Variants in RIMS1 observed in about 807,000 individuals in gnomAD.
RIMS1 encodes regulating synaptic membrane exocytosis 1.
A neutral mutation model predicts 214.1 loss-of-function variants in RIMS1; 83 were observed. That is an observed-to-expected ratio of 0.39 (90% confidence interval 0.32 to 0.47). RIMS1 has a LOEUF of 0.47. Among genes scored for constraint, RIMS1 ranks in the 20% least tolerant of loss-of-function variants. The probability of loss-of-function intolerance (pLI) is 0.99; values close to 1 mark genes in which losing one functional copy is unlikely to be tolerated. For missense variants in RIMS1, 2,050 were observed against 2,161.8 expected, an observed-to-expected ratio of 0.95 and a Z score of 1.03; for synonymous variants, 793 against 786.8, an observed-to-expected ratio of 1.01 and a Z score of -0.13.
At chr6:72,111,716 T>C (rs2036126185) in intron 4 of RIMS1, among the ~76,000 whole-genome samples, 1 of 152,096 alleles carries the variant, frequency 6.6e-6, no homozygotes, top group South Asian at 2.1e-4. Flanking sequence ...ATGCAACGAG[T>C]AGGATGCCAG....
intron 1 of RIMS1, among the ~76,000 whole-genome samples, chr6:71,926,912 A>G (rs1406793753): frequency 6.6e-6 from 1 of 152,122 alleles, no homozygotes; most frequent in Non-Finnish European, 1.5e-5. Flanking sequence ...GGTGTTATTA[A>G]ATTCCTTTCA....
At chr6:72,209,927 G>A (rs1589154365) in intron 6 of RIMS1, among the ~76,000 whole-genome samples, 2 of 148,694 alleles carry the variant, frequency 1.3e-5, no homozygotes, top group Admixed American at 6.7e-5. Context: ...AAAAAAAAGG[G>A]AAAGAAACAT....
intron 2 of RIMS1, among the ~76,000 whole-genome samples, chr6:72,090,389 C>A (rs1187701056): frequency 6.6e-6 from 1 of 152,098 alleles, no homozygotes; most frequent in Non-Finnish European, 1.5e-5. Flanking sequence ...CCACAACCAT[C>A]CCTCTTCCAA....
intron 4 of RIMS1, among the ~76,000 whole-genome samples, chr6:72,114,222 G>C (rs1475617684): frequency 2.0e-5 from 3 of 151,920 alleles, no homozygotes; most frequent in Non-Finnish European, 4.4e-5. Context: ...TTTATAATTT[G>C]TTTTTAAATT....
intron 4 of RIMS1, among the ~76,000 whole-genome samples, chr6:72,129,698 T>C (rs1488124498): frequency 6.6e-6 from 1 of 152,064 alleles, no homozygotes; most frequent in Non-Finnish European, 1.5e-5. Flanking sequence ...GTGATTTACT[T>C]CTCTTAAAAT....
At chr6:72,130,285 C>T (rs2040240280) in intron 4 of RIMS1, among the ~76,000 whole-genome samples, 1 of 152,018 alleles carries the variant, frequency 6.6e-6, no homozygotes, top group Non-Finnish European at 1.5e-5. Flanking sequence ...TTCCCAGCTA[C>T]TTTTTTTCTG....
At position 71,950,229 on chromosome 6, in the gene RIMS1, C is replaced by T. The variant is rs191052461; in HGVS notation, c.165-18754C>T. Among the ~76,000 whole-genome samples, 284 of 152,194 alleles carry T rather than the reference C, an allele frequency of 1.9e-3. 6 individuals carry two copies. The highest frequency in any genetic ancestry group is 0.017 in the Admixed American group (253 of 15,286). ...GAGGAAAGGGGAAGGAGGTTGACTA[C>T]AAGAGATAGTAGAGAAGTCTTTTGG... On this transcript the variant is annotated intron_variant, in intron 1 of 33. Transcript: ENST00000521978.
At chr6:71,949,088 T>C (rs988610687) in intron 1 of RIMS1, among the ~76,000 whole-genome samples, 2 of 152,190 alleles carry the variant, frequency 1.3e-5, no homozygotes, top group Non-Finnish European at 2.9e-5. Context: ...GAATACCTTT[T>C]TGTAGTATGA....
chr6:72,195,978 C>G (rs1267708363), intron 6 of RIMS1, among the ~76,000 whole-genome samples: 3 of 152,022 alleles, frequency 2.0e-5, no homozygotes, highest in Non-Finnish European at 4.4e-5. Flanking sequence ...AACTCACTAT[C>G]ATGAGAACAG....
chr6:72,028,856 C>A (rs1190335213), intron 2 of RIMS1, among the ~76,000 whole-genome samples: 1 of 152,096 alleles, frequency 6.6e-6, no homozygotes, highest in African/African-American at 2.4e-5. Flanking sequence ...GTATTGCGCA[C>A]CTTCTGTGTG....
At chr6:72,318,716 G>GT (rs913023387) in intron 28 of RIMS1, among the ~76,000 whole-genome samples, 1 of 152,064 alleles carries the variant, frequency 6.6e-6, no homozygotes, top group African/African-American at 2.4e-5. Flanking sequence ...TGAGACACAC[G>GT]TTTTTCCTTG....
intron 4 of RIMS1, among the ~76,000 whole-genome samples, chr6:72,176,733 A>AC (rs2153963966): frequency 1.3e-5 from 1 of 75,908 alleles, no homozygotes; most frequent in South Asian, 4.3e-4. Flanking sequence ...AAATGTTAAA[A>AC]ACAAAAAAAT....
intron 23 of RIMS1, among the ~76,000 whole-genome samples, chr6:72,274,758 C>A (rs755126937): frequency 1.3e-5 from 2 of 151,910 alleles, no homozygotes; most frequent in Non-Finnish European, 2.9e-5. Flanking sequence ...TTCTCAGGTG[C>A]TTTAGAGTAT....
intron 7 of RIMS1, 103 bp downstream of exon 7, chr6:72,233,943 G>A: frequency 1.4e-6 from 1 of 711,352 alleles, no homozygotes; most frequent in Non-Finnish European, 2.4e-6. Flanking sequence ...ATTTGGTAAG[G>A]GCAAATATTG....
chr6:72,367,496 G>C (rs981319056), intron 29 of RIMS1, among the ~76,000 whole-genome samples: 4 of 152,160 alleles, frequency 2.6e-5, no homozygotes, highest in Admixed American at 1.3e-4. Context: ...AAACATATGT[G>C]TTAATAATTT....
At chr6:72,281,961 G>GT (rs1267405720) in intron 23 of RIMS1, among the ~76,000 whole-genome samples, 21 of 150,742 alleles carry the variant, frequency 1.4e-4, no homozygotes, top group East Asian at 3.9e-4. Flanking sequence ...AGAGAATTGT[G>GT]TTTTTTTTTC....
chr6:71,932,449 G>A lies in RIMS1; in HGVS notation c.165-36534G>A, dbSNP rs138698560. Among the ~76,000 whole-genome samples, 404 of 152,118 alleles carry A rather than the reference G, an allele frequency of 2.7e-3. 2 individuals carry two copies. Among genetic ancestry groups the A allele is most frequent in the African/African-American group, 9.0e-3 (374 of 41,510 alleles). On this transcript the variant is annotated intron_variant, in intron 1 of 33. Transcript: ENST00000521978. Reference sequence around the variant, plus strand: ...TGAGATTACATGAACACATAGAGGGGAACAACACACAATGGGGCTTTTCAG... The same window carrying A: ...TGAGATTACATGAACACATAGAGGGAAACAACACACAATGGGGCTTTTCAG...
At chr6:71,929,791 T>A (rs1782527624) in intron 1 of RIMS1, among the ~76,000 whole-genome samples, 1 of 152,088 alleles carries the variant, frequency 6.6e-6, no homozygotes, top group Admixed American at 6.6e-5. Context: ...AATATTAAAA[T>A]TAATGGGACT....
Position 72,043,916 on chromosome 6 carries a change from C to T in RIMS1, c.246-53033C>T, listed in dbSNP as rs533125781. ...ATTACCCATGATTAACCCAACAACCCCTGTGTGTATATTTTGGTACATATA... is the reference window on the plus strand; with the variant it reads ...ATTACCCATGATTAACCCAACAACCTCTGTGTGTATATTTTGGTACATATA... On this transcript the variant is annotated intron_variant, in intron 2 of 33. Transcript: ENST00000521978. Among the ~76,000 whole-genome samples, 352 of 151,342 alleles carry T rather than the reference C, an allele frequency of 2.3e-3. 2 individuals carry two copies. Among genetic ancestry groups the T allele is most frequent in the African/African-American group, 8.1e-3 (335 of 41,388 alleles).
Sources: gnomAD v4.1 joint callset for allele counts (sites outside exome capture counted in the v4.1 genomes callset) on GRCh38, gnomAD v4.1.1 for gene constraint, MANE v1.5 for transcripts, NCBI Gene and HGNC (gene_info 2026-07-23, HGNC 2026-07-21) for gene names.